RPRD1B: variants seen among roughly 807,000 people sequenced by gnomAD.
RPRD1B encodes regulation of nuclear pre-mRNA domain containing 1B, also known as regulation of nuclear pre-mRNA domain-containing protein 1B.
Under a neutral mutation model 41.5 loss-of-function variants are expected in RPRD1B, and 11 were observed. The ratio of observed to expected loss-of-function variants is 0.27; its 90% confidence interval spans 0.17 to 0.44. The LOEUF (loss-of-function observed/expected upper bound fraction) is 0.44. Among genes scored for constraint, RPRD1B ranks in the 20% least tolerant of loss-of-function variants. The probability of loss-of-function intolerance (pLI) is 1.00; values close to 1 mark genes in which losing one functional copy is unlikely to be tolerated. For missense variants in RPRD1B, 248 were observed against 389.9 expected, an observed-to-expected ratio of 0.64 and a Z score of 3.06; for synonymous variants, 158 against 155.6, an observed-to-expected ratio of 1.02 and a Z score of -0.12.
At chr20:38,068,496 A>T (rs1240109687) in intron 6 of RPRD1B, among the ~76,000 whole-genome samples, 1 of 152,178 alleles carries the variant, frequency 6.6e-6, no homozygotes, top group Admixed American at 6.5e-5. Context: ...AGGCTCAACC[A>T]ATCCCCCGTC....
At chr20:38,042,880 A>C (rs1489270859) in intron 2 of RPRD1B, among the ~76,000 whole-genome samples, 1 of 151,168 alleles carries the variant, frequency 6.6e-6, no homozygotes, top group Non-Finnish European at 1.5e-5. Context: ...AAAAACTCTC[A>C]AGTCAGAGAA....
chr20:38,047,022 C>T (rs767453658), intron 2 of RPRD1B, among the ~76,000 whole-genome samples: 6 of 151,832 alleles, frequency 4.0e-5, no homozygotes, highest in Admixed American at 6.6e-5. Flanking sequence ...GTAATGCAGG[C>T]GAGAGATGAT....
intron 6 of RPRD1B, among the ~76,000 whole-genome samples, chr20:38,067,800 T>G (rs2074372044): frequency 6.6e-6 from 1 of 152,206 alleles, no homozygotes; most frequent in South Asian, 2.1e-4. Context: ...TGAGGAAGCA[T>G]TTTCAGCACT....
chr20:38,086,228 G>T (rs2074559715), intron 6 of RPRD1B, among the ~76,000 whole-genome samples: 1 of 152,188 alleles, frequency 6.6e-6, no homozygotes, highest in African/African-American at 2.4e-5. Context: ...AATCACAGTA[G>T]TTACTACTTG....
chr20:38,067,611 A>G (rs1315532209), intron 6 of RPRD1B, among the ~76,000 whole-genome samples: 1 of 152,216 alleles, frequency 6.6e-6, no homozygotes, highest in Non-Finnish European at 1.5e-5. Context: ...GATTCTGGGA[A>G]CTGTGTTGCG....
chr20:38,037,159 T>C (rs545740818), intron 1 of RPRD1B, among the ~76,000 whole-genome samples: 2 of 152,330 alleles, frequency 1.3e-5, no homozygotes, highest in Non-Finnish European at 2.9e-5. Flanking sequence ...AAAATTAACT[T>C]TTTTTCTTGC....
chr20:38,037,781 A>T (rs1017375844), intron 1 of RPRD1B, among the ~76,000 whole-genome samples: 7 of 152,124 alleles, frequency 4.6e-5, no homozygotes, highest in Admixed American at 6.5e-5. Context: ...AGCCCCTTAG[A>T]TACCTTGTTT....
At position 38,057,614 on chromosome 20, in the gene RPRD1B, T is replaced by G. The variant is rs772935686; in HGVS notation, c.498T>G (p.Ser166=). 6.2e-7 allele frequency: 1 copy of G among 1,614,040 alleles called. No individual in the cohort carries two copies. The highest frequency in any genetic ancestry group is 8.5e-7 in the Non-Finnish European group (1 of 1,179,900). Residue 166 remains serine, a synonymous_variant, in exon 4 of 7, where the codon TCT becomes TCG. Transcript: ENST00000373433. ...ATGACGACTACCCTGGCAGCTACTC[T>G]CCTCAGGATCCTTCTGCAGGACCCC... ...EEDDDYPGSY[S]PQDPSAGPLL...
At chr20:38,047,180 G>A (rs2074129151) in intron 2 of RPRD1B, among the ~76,000 whole-genome samples, 1 of 152,098 alleles carries the variant, frequency 6.6e-6, no homozygotes. Flanking sequence ...CAGTAGAAAT[G>A]TTTTTCCTTT....
At chr20:38,058,928 G>A (rs1266367999) in intron 4 of RPRD1B, among the ~76,000 whole-genome samples, 1 of 151,938 alleles carries the variant, frequency 6.6e-6, no homozygotes. Flanking sequence ...TGTCCAGGCT[G>A]GTCTCGAACT....
intron 1 of RPRD1B, among the ~76,000 whole-genome samples, chr20:38,037,611 A>G (rs1453931876): frequency 6.6e-6 from 1 of 152,182 alleles, no homozygotes; most frequent in Non-Finnish European, 1.5e-5. Context: ...CAAGAGCTCT[A>G]GGGTTTTGTC....
rs2073958736 is a variant in RPRD1B, at chr20:38,033,820, C to T, written c.-128C>T. On this transcript the variant is annotated 5_prime_UTR_variant, in exon 1 of 7. Transcript: ENST00000373433. Reference sequence around the variant, plus strand: ...ACCCATCCCCTCCCCCTTCTCGCACCCCTGGCAGTCTGTCAGTCGGTAAAA... The same window carrying T: ...ACCCATCCCCTCCCCCTTCTCGCACTCCTGGCAGTCTGTCAGTCGGTAAAA... 4 of 937,944 alleles carry T rather than the reference C, an allele frequency of 4.3e-6. No homozygotes were observed. Among genetic ancestry groups the T allele is most frequent in the Non-Finnish European group, 4.6e-6 (3 of 647,628 alleles). The allele number at this position is 937,944 out of a possible 1,614,324, so 58.1% of individuals were successfully genotyped here.
chr20:38,082,086 C>T (rs2074517800), intron 6 of RPRD1B, among the ~76,000 whole-genome samples: 1 of 152,152 alleles, frequency 6.6e-6, no homozygotes, highest in Non-Finnish European at 1.5e-5. Flanking sequence ...TTAGGGAGGA[C>T]TCCCTCCTTC....
intron 2 of RPRD1B, among the ~76,000 whole-genome samples, chr20:38,044,372 ATTT>A (rs74179885): frequency 4.0e-5 from 5 of 124,494 alleles, no homozygotes; most frequent in Non-Finnish European, 6.6e-5. Context: ...TCAGGTGTTC[ATTT>A]TTTTTTTTTT....
intron 6 of RPRD1B, among the ~76,000 whole-genome samples, chr20:38,072,628 T>G (rs1268311664): frequency 6.6e-6 from 1 of 152,182 alleles, no homozygotes; most frequent in African/African-American, 2.4e-5. Flanking sequence ...CAGTCTTAAG[T>G]GTTTCAGCTC....
intron 6 of RPRD1B, among the ~76,000 whole-genome samples, chr20:38,075,287 T>C (rs2074448477): frequency 6.6e-6 from 1 of 152,248 alleles, no homozygotes; most frequent in Non-Finnish European, 1.5e-5. Context: ...TTATTTTGTA[T>C]AAACCTCTAT....
chr20:38,078,413 T>C (rs1473518401), intron 6 of RPRD1B, among the ~76,000 whole-genome samples: 1 of 152,220 alleles, frequency 6.6e-6, no homozygotes, highest in Non-Finnish European at 1.5e-5. Context: ...TCACCATTTG[T>C]ATCTCATGTC....
chr20:38,079,232 A>G (rs551437192), intron 6 of RPRD1B, among the ~76,000 whole-genome samples: 1 of 152,076 alleles, frequency 6.6e-6, no homozygotes, highest in African/African-American at 2.4e-5. Context: ...AGTGTAGGAT[A>G]GGAACTTGGA....
At chr20:38,063,375 G>A (rs962340937) in intron 5 of RPRD1B, among the ~76,000 whole-genome samples, 14 of 152,072 alleles carry the variant, frequency 9.2e-5, no homozygotes, top group African/African-American at 3.1e-4. Flanking sequence ...TAAACTTGAG[G>A]GCAGAGAGTT....
Sources: gnomAD v4.1 joint callset for allele counts (sites outside exome capture counted in the v4.1 genomes callset) on GRCh38, gnomAD v4.1.1 for gene constraint, MANE v1.5 for transcripts, NCBI Gene and HGNC (gene_info 2026-07-23, HGNC 2026-07-21) for gene names.